NPAS3: variants seen among roughly 807,000 people sequenced by gnomAD.
NPAS3 encodes the protein neuronal PAS domain protein 3.
NPAS3 carries 14 observed loss-of-function variants against 73.1 expected under a neutral mutation model. The observed-to-expected ratio is 0.19, with a 90% CI of 0.13 to 0.30. NPAS3 has a LOEUF of 0.30. Among genes scored for constraint, NPAS3 ranks in the 10% least tolerant of loss-of-function variants. The pLI is 1.00. For missense variants in NPAS3, 1,096 were observed against 1,250.0 expected, an observed-to-expected ratio of 0.88 and a Z score of 1.86; for synonymous variants, 620 against 541.5, an observed-to-expected ratio of 1.14 and a Z score of -2.01.
At chr14:33,746,173 T>TTATG (rs549102847) in intron 7 of NPAS3, among the ~76,000 whole-genome samples, 1 of 148,188 alleles carries the variant, frequency 6.7e-6, no homozygotes, top group Non-Finnish European at 1.5e-5. Context: ...TTATTTTATT[T>TTATG]TATTTATTTA....
chr14:33,349,110 A>T (rs755610088), intron 3 of NPAS3, among the ~76,000 whole-genome samples: 12 of 152,198 alleles, frequency 7.9e-5, no homozygotes, highest in Admixed American at 1.3e-4. Flanking sequence ...AGGAAAATGA[A>T]ATGTGGGGAT....
chr14:33,474,913 A>G (rs2050949408), intron 4 of NPAS3, among the ~76,000 whole-genome samples: 3 of 152,332 alleles, frequency 2.0e-5, no homozygotes, highest in African/African-American at 7.2e-5. Flanking sequence ...ACTGTCAACA[A>G]GTGAAGGAGG....
intron 5 of NPAS3, among the ~76,000 whole-genome samples, chr14:33,582,976 T>TTTTTTTTTTTTTTTTTTTTTTTG (rs2056731153): frequency 6.8e-6 from 1 of 146,586 alleles, no homozygotes; most frequent in South Asian, 2.2e-4. Flanking sequence ...AAGGGTTTTT[T>TTTTTTTTTTTTTTTTTTTTTTTG]TTTTTTTTTT....
At chr14:33,395,105 G>A (rs528038343) in intron 4 of NPAS3, among the ~76,000 whole-genome samples, 1 of 152,240 alleles carries the variant, frequency 6.6e-6, no homozygotes, top group African/African-American at 2.4e-5. Context: ...AAATAGCGAG[G>A]ATCTCTTGAA....
rs530123983 is a variant in NPAS3 at position 33,443,128 on chromosome 14, T to G, written c.468+75860T>G. ...TAACACTGAATTCCTTTACTCAAGT[T>G]ATTATTGCATTGTTCATAGTTATTA... On this transcript the variant is annotated intron_variant, in intron 4 of 11. Coordinates refer to ENST00000356141, the Ensembl canonical transcript of NPAS3. Among the ~76,000 whole-genome samples the G allele has an allele frequency of 4.6e-5, 7 of 152,206 alleles. 1 individual carries two copies. In the South Asian group the frequency reaches 1.5e-3, roughly 32 times the overall value.
chr14:33,776,232 A>G (rs982558000), intron 8 of NPAS3, among the ~76,000 whole-genome samples: 1 of 152,194 alleles, frequency 6.6e-6, no homozygotes, highest in Admixed American at 6.5e-5. Flanking sequence ...AGATCCAACC[A>G]GGGAAGACAG....
intron 8 of NPAS3, among the ~76,000 whole-genome samples, chr14:33,775,294 G>C (rs2062777745): frequency 6.6e-6 from 1 of 152,158 alleles, no homozygotes; most frequent in African/African-American, 2.4e-5. Flanking sequence ...CCACATACCA[G>C]GTGTGGGAAG....
rs966388386 is a variant in NPAS3, at chr14:33,268,945, A to G, written c.385+53519A>G. 3.3e-5 allele frequency among the ~76,000 whole-genome samples: 5 copies of G among 152,254 alleles called. No homozygotes were observed. The East Asian group carries it at 7.7e-4, about 24-fold the overall frequency. On this transcript the variant is annotated intron_variant, in intron 3 of 11. Coordinates refer to ENST00000356141, the Ensembl canonical transcript of NPAS3. ...ATTCACATCTTCTGTGCCAGCTGTC[A>G]TTACTGATTCCCTTGAAGTGAAAGG... is the stretch of plus-strand genomic sequence containing the variant.
intron 2 of NPAS3, among the ~76,000 whole-genome samples, chr14:33,160,946 T>G (rs571738078): frequency 5.9e-5 from 9 of 152,200 alleles, no homozygotes; most frequent in Non-Finnish European, 2.9e-5. Flanking sequence ...GTAGCACATA[T>G]TGGAGAAATA....
chr14:33,359,916 G>A (rs986264277), intron 3 of NPAS3, among the ~76,000 whole-genome samples: 4 of 152,210 alleles, frequency 2.6e-5, no homozygotes, highest in Admixed American at 6.5e-5. Flanking sequence ...AGTGTTCACT[G>A]AAAGAAGAAG....
chr14:33,104,734 C>T (rs1434621055), intron 2 of NPAS3, among the ~76,000 whole-genome samples: 3 of 152,126 alleles, frequency 2.0e-5, no homozygotes, highest in Admixed American at 6.6e-5. Flanking sequence ...TGCTACATCA[C>T]ACAGTTAATA....
chr14:33,672,616 G>C (rs2059641662), intron 5 of NPAS3, among the ~76,000 whole-genome samples: 1 of 151,924 alleles, frequency 6.6e-6, no homozygotes, highest in South Asian at 2.1e-4. Context: ...CCGTCTTGCT[G>C]TCTGTAGTCT....
At chr14:33,583,572 G>C (rs1295063170) in intron 5 of NPAS3, among the ~76,000 whole-genome samples, 2 of 152,164 alleles carry the variant, frequency 1.3e-5, no homozygotes, top group Admixed American at 1.3e-4. Flanking sequence ...TGATCTAGTA[G>C]ATGTTTAGGT....
chr14:33,310,242 A>G lies in NPAS3; in HGVS notation c.386-56944A>G, dbSNP rs575178395. Among the ~76,000 whole-genome samples, 5 of 152,288 alleles carry G rather than the reference A, an allele frequency of 3.3e-5. No homozygotes were observed. The South Asian group carries it at 1.0e-3, about 32-fold the overall frequency. On this transcript the variant is annotated intron_variant, in intron 3 of 11. Transcript: ENST00000356141. ...CTAATTTATAGCCTGTGGATTTCTA[A>G]AGAAGTGTCCTAGGTCTCTTTCTCA...
At chr14:32,986,254 G>C (rs748363255) in intron 1 of NPAS3, among the ~76,000 whole-genome samples, 1 of 152,190 alleles carries the variant, frequency 6.6e-6, no homozygotes, top group Admixed American at 6.5e-5. Flanking sequence ...TTTAGCTTGT[G>C]TTTTGAGAAC....
chr14:33,582,719 GATA>G (rs2056714455), intron 5 of NPAS3, among the ~76,000 whole-genome samples: 1 of 152,088 alleles, frequency 6.6e-6, no homozygotes, highest in Admixed American at 6.5e-5. Context: ...CGGATATTAA[GATA>G]ATAAGTCATG....
At chr14:33,135,743 A>G (rs1007415568) in intron 2 of NPAS3, among the ~76,000 whole-genome samples, 1 of 152,236 alleles carries the variant, frequency 6.6e-6, no homozygotes, top group Admixed American at 6.5e-5. Flanking sequence ...GGAAAAGACC[A>G]AAAGAAACAA....
At chr14:33,563,754 C>T (rs559564624) in intron 5 of NPAS3, among the ~76,000 whole-genome samples, 3 of 152,156 alleles carry the variant, frequency 2.0e-5, no homozygotes, top group South Asian at 4.2e-4. Flanking sequence ...ACTTGTTATA[C>T]CTGATGATGG....
chr14:32,971,375 A>G (rs996071260), intron 1 of NPAS3, among the ~76,000 whole-genome samples: 4 of 152,076 alleles, frequency 2.6e-5, no homozygotes, highest in African/African-American at 2.4e-5. Context: ...GTGAGCCACC[A>G]CGCCTGGCCT....
Sources: allele counts gnomAD v4.1 joint callset (sites outside exome capture counted in the v4.1 genomes callset), GRCh38; gene constraint gnomAD v4.1.1; transcripts MANE v1.5; gene names NCBI Gene and HGNC (gene_info 2026-07-23, HGNC 2026-07-21).